Variants in SH3PXD2B observed in about 807,000 individuals in gnomAD.
The protein encoded by SH3PXD2B is SH3 and PX domains 2B, also known as SH3 and PX domain-containing protein 2B.
In SH3PXD2B, 37 loss-of-function variants were observed where a neutral mutation model predicts 73.1. That is an observed-to-expected ratio of 0.51 (90% CI 0.39 to 0.67). The LOEUF is 0.67. Among genes scored for constraint, SH3PXD2B ranks in the 30% least tolerant of loss-of-function variants. SH3PXD2B has a pLI of 0.00. For synonymous variants in SH3PXD2B, 457 were observed against 480.5 expected, an observed-to-expected ratio of 0.95 and a Z score of 0.64; for missense variants, 1,053 against 1,197.8, an observed-to-expected ratio of 0.88 and a Z score of 1.78.
intron 3 of SH3PXD2B, among the ~76,000 whole-genome samples, chr5:172,396,198 CAAAAAAAA>C (rs571850981): frequency 2.6e-5 from 2 of 78,408 alleles, no homozygotes; most frequent in Non-Finnish European, 4.6e-5. Flanking sequence ...ACTAAAAATA[CAAAAAAAA>C]AAAAAAAAAA....
Position 172,416,696 on chromosome 5 carries a change from C to CT in SH3PXD2B, c.156+5719dup, listed in dbSNP as rs202242720. On this transcript the variant is annotated intron_variant, in intron 2 of 12. Transcript: ENST00000311601. ...ACTGTGAGTCTCTCTCTCTCTCTCT[C>CT]TTTTTTTTTTTTTTTTTTTTTTTTT... is the stretch of plus-strand genomic sequence containing the variant. Among the ~76,000 whole-genome samples the CT allele has an allele frequency of 4.3e-3, 267 of 62,202 alleles. 5 individuals are homozygous for CT. The highest frequency in any genetic ancestry group is 6.6e-3 in the Non-Finnish European group (214 of 32,534). The allele number at this position is 62,202 out of a possible 152,430, so 40.8% of individuals were successfully genotyped here. A position where few individuals can be genotyped will look rare whatever the true frequency, so the allele number is the denominator to read the frequency against.
chr5:172,345,899 G>C (rs1431929427), intron 12 of SH3PXD2B, among the ~76,000 whole-genome samples: 1 of 152,190 alleles, frequency 6.6e-6, no homozygotes, highest in East Asian at 1.9e-4. Flanking sequence ...GATGGGTAAG[G>C]AGTTTCTTTT....
intron 4 of SH3PXD2B, among the ~76,000 whole-genome samples, chr5:172,392,668 C>T (rs182499007): frequency 9.2e-5 from 14 of 151,934 alleles, no homozygotes; most frequent in Admixed American, 6.6e-4. Context: ...GCCTGTAATC[C>T]CAGCGACTCA....
intron 1 of SH3PXD2B, among the ~76,000 whole-genome samples, chr5:172,432,213 G>C (rs1448244369): frequency 6.6e-6 from 1 of 152,024 alleles, no homozygotes; most frequent in African/African-American, 2.4e-5. Context: ...AATATGCATG[G>C]TTAATTCATC....
intron 8 of SH3PXD2B, among the ~76,000 whole-genome samples, chr5:172,358,311 A>G (rs1304279222): frequency 6.6e-6 from 1 of 152,232 alleles, no homozygotes; most frequent in African/African-American, 2.4e-5. Context: ...TCTGGGAAAC[A>G]ACGGAAGTGT....
chr5:172,442,851 C>T lies in SH3PXD2B; in HGVS notation c.75+11427G>A, dbSNP rs780932592. ...TTCTGTAGAAGAGGAAACTGAAGCA[C>T]GGAGAGGTTCAGTCACTGACTCAAG... On this transcript the variant is annotated intron_variant, in intron 1 of 12. Transcript: ENST00000311601. 6.6e-5 allele frequency among the ~76,000 whole-genome samples: 10 copies of T among 152,276 alleles called. No individual in the cohort carries two copies. In the Middle Eastern group the frequency reaches 0.017, roughly 259 times the overall value.
chr5:172,422,330 A>G, intron 2 of SH3PXD2B, 86 bp downstream of exon 2: 4 of 1,285,534 alleles, frequency 3.1e-6, no homozygotes, highest in Non-Finnish European at 4.4e-6. Context: ...AATTAAAAAA[A>G]TTCTGGACTC....
At position 172,338,116 on chromosome 5, in the gene SH3PXD2B, G is replaced by A; in HGVS notation, c.*253C>T. 1 of 1,406,764 alleles carries A rather than the reference G, an allele frequency of 7.1e-7. No homozygotes were observed. The highest frequency in any genetic ancestry group is 2.7e-5 in the East Asian group (1 of 37,098). The allele number at this position is 1,406,764 out of a possible 1,614,324, so 87.1% of individuals were successfully genotyped here. On this transcript the variant is annotated 3_prime_UTR_variant, in exon 13 of 13. Transcript: ENST00000311601. This position sits in a 1 kb window ranked among gnomAD's most constrained non-coding sequence, Gnocchi z 5.1. ...GCCAGGAGGAGTTCTCTTAAGGCAG[G>A]GATGCTGACATGGACAGAAAGCAAA...
At position 172,333,842 on chromosome 5, in the gene SH3PXD2B, G is replaced by A; in HGVS notation, c.*4527C>T. The A allele has an allele frequency of 1.6e-6, 2 of 1,286,776 alleles. No homozygotes were observed. Among genetic ancestry groups the A allele is most frequent in the Admixed American group, 2.4e-5 (1 of 42,464 alleles). 79.7% of individuals were successfully genotyped at this position (1,286,776 alleles called of 1,614,324 possible). A position where few individuals can be genotyped will look rare whatever the true frequency, so the allele number is the denominator to read the frequency against. Reference sequence around the variant, plus strand: ...AGGAAATGTGGGTTGTAATCAAGGTGGCCACAGTTTATCATCACCCCTCTA... The same window carrying A: ...AGGAAATGTGGGTTGTAATCAAGGTAGCCACAGTTTATCATCACCCCTCTA... On this transcript the variant is annotated 3_prime_UTR_variant, in exon 13 of 13. Coordinates refer to ENST00000311601, the MANE Select transcript of SH3PXD2B (RefSeq NM_001017995.3).
chr5:172,410,620 T>TA (rs930362365), intron 2 of SH3PXD2B, among the ~76,000 whole-genome samples: 8 of 151,872 alleles, frequency 5.3e-5, no homozygotes, highest in Admixed American at 3.9e-4. Flanking sequence ...GTTTACTGAT[T>TA]AAAAAAAAAT....
chr5:172,335,328 C>T lies in SH3PXD2B; in HGVS notation c.*3041G>A, dbSNP rs1756661616. On this transcript the variant is annotated 3_prime_UTR_variant, in exon 13 of 13. Transcript: ENST00000311601. The stretch of plus-strand genomic sequence containing the variant: ...GTGAGCAAGGGGCGGGGGGAAGAGG[C>T]ACCGAAATTCAGAGGGAGGGTCACT... The T allele has an allele frequency of 4.2e-6, 5 of 1,192,458 alleles. No homozygotes were observed. Among genetic ancestry groups the T allele is most frequent in the South Asian group, 4.3e-5 (1 of 23,084 alleles). The allele number at this position is 1,192,458 out of a possible 1,614,324, so 73.9% of individuals were successfully genotyped here.
At chr5:172,440,020 C>G (rs1759517837) in intron 1 of SH3PXD2B, among the ~76,000 whole-genome samples, 1 of 152,200 alleles carries the variant, frequency 6.6e-6, no homozygotes. Flanking sequence ...CCGGAACCAA[C>G]CTGAAGGCTG....
intron 10 of SH3PXD2B, among the ~76,000 whole-genome samples, chr5:172,348,266 A>G (rs1757039596): frequency 6.6e-6 from 1 of 152,146 alleles, no homozygotes; most frequent in Admixed American, 6.5e-5. Flanking sequence ...AGCTGTGTAC[A>G]CAGTAGCCAG....
At chr5:172,354,639 G>A (rs1402236182) in intron 8 of SH3PXD2B, among the ~76,000 whole-genome samples, 1 of 152,216 alleles carries the variant, frequency 6.6e-6, no homozygotes, top group African/African-American at 2.4e-5. Context: ...TCAGGGAGAA[G>A]CTGAACTTTG....
intron 1 of SH3PXD2B, 87 bp from the exon 2 acceptor site, chr5:172,422,583 T>A (rs920776364): frequency 4.6e-6 from 6 of 1,294,272 alleles, no homozygotes; most frequent in Non-Finnish European, 6.5e-6. Flanking sequence ...AGACTCAGAG[T>A]CAGAAAGACG....
intron 6 of SH3PXD2B, among the ~76,000 whole-genome samples, chr5:172,371,505 T>A (rs926429816): frequency 6.6e-5 from 10 of 152,098 alleles, no homozygotes; most frequent in Non-Finnish European, 1.2e-4. Flanking sequence ...CAAAATTCAA[T>A]CCAAAAGGCT....
In SH3PXD2B at chr5:172,334,736, A is replaced by T. The variant is rs369051056; in HGVS notation, c.*3633T>A. ...TTCTTTTTCCCACTCTGTGCTGGGT[A>T]CTTGGGAGAGGCGAAATAAATACCA... is the stretch of plus-strand genomic sequence containing the variant. On this transcript the variant is annotated 3_prime_UTR_variant, in exon 13 of 13. Transcript: ENST00000311601. The T allele has an allele frequency of 1.5e-5, 15 of 985,322 alleles. No homozygotes were observed. In the East Asian group the frequency reaches 7.9e-4, roughly 52 times the overall value. 61.0% of individuals were successfully genotyped at this position (985,322 alleles called of 1,614,324 possible).
intron 5 of SH3PXD2B, among the ~76,000 whole-genome samples, chr5:172,379,313 TAA>T (rs11346663): frequency 1.3e-3 from 148 of 112,804 alleles, no homozygotes; most frequent in East Asian, 2.4e-3. Flanking sequence ...TACAAAAAAT[TAA>T]AAAAAAAAAA....
Position 172,336,685 on chromosome 5 carries a change from C to T in SH3PXD2B, c.*1684G>A. On this transcript the variant is annotated 3_prime_UTR_variant, in exon 13 of 13. Coordinates refer to ENST00000311601, the MANE Select transcript of SH3PXD2B (RefSeq NM_001017995.3). ...CACTGTGAACTGGAGATCTCTGGGGCAGGGCAGGGTGGGGAGGGGCGGGGC... is the reference window on the plus strand; with the variant it reads ...CACTGTGAACTGGAGATCTCTGGGGTAGGGCAGGGTGGGGAGGGGCGGGGC... 1.2e-6 allele frequency: 1 copy of T among 819,008 alleles called. No homozygotes were observed. Among genetic ancestry groups the T allele is most frequent in the African/African-American group, 2.8e-5 (1 of 35,642 alleles). The allele number at this position is 819,008 out of a possible 1,614,324, so 50.7% of individuals were successfully genotyped here.
Sources: gnomAD v4.1 joint callset for allele counts (sites outside exome capture counted in the v4.1 genomes callset) on GRCh38, gnomAD v4.1.1 for gene constraint, Gnocchi (gnomAD v3.1) non-coding constraint, MANE v1.5 for transcripts, NCBI Gene and HGNC (gene_info 2026-07-23, HGNC 2026-07-21) for gene names.